Variants in IL1RAPL2 observed in about 807,000 individuals in gnomAD.
IL1RAPL2 encodes the protein interleukin 1 receptor accessory protein like 2.
IL1RAPL2 carries 3 observed loss-of-function variants against 44.1 expected under a neutral mutation model. The ratio of observed to expected loss-of-function variants is 0.07; its 90% confidence interval spans 0.03 to 0.18. The LOEUF (loss-of-function observed/expected upper bound fraction) is 0.18. IL1RAPL2 is among the 10% of genes least tolerant of loss of function. IL1RAPL2 has a pLI of 1.00. For synonymous variants in IL1RAPL2, 181 were observed against 178.8 expected (o/e 1.01, Z -0.10); for missense variants, 391 against 496.4 (o/e 0.79, Z 2.02).
rs140520484 is a variant in IL1RAPL2 at position 104,918,489 on chromosome X, A to G, written c.82+259494A>G. On this transcript the variant is annotated intron_variant, in intron 2 of 10. Coordinates refer to ENST00000372582, the MANE Select transcript of IL1RAPL2 (RefSeq NM_017416.2). Reference sequence around the variant, plus strand: ...ATGATGGACCAATGGGGTTACATTAACACACTATATTTAATACATTTATTT... The same window carrying G: ...ATGATGGACCAATGGGGTTACATTAGCACACTATATTTAATACATTTATTT... 6.6e-4 allele frequency among the ~76,000 whole-genome samples: 74 copies of G among 112,290 alleles called. No homozygotes were observed. The East Asian group carries it at 9.6e-3, about 14-fold the overall frequency.
intron 2 of IL1RAPL2, among the ~76,000 whole-genome samples, chrX:104,734,106 C>T (rs1931971115): frequency 1.8e-5 from 2 of 111,801 alleles, no homozygotes; most frequent in African/African-American, 6.5e-5. Flanking sequence ...TCACTACATG[C>T]CTATCAAAAT....
chrX:105,742,829 A>C, intron 8 of IL1RAPL2, among the ~76,000 whole-genome samples: 1 of 111,441 alleles, frequency 9.0e-6, no homozygotes, highest in Non-Finnish European at 1.9e-5. Flanking sequence ...CAGGCATATC[A>C]AATTTAGCTT....
At chrX:105,465,384 G>A (rs1048593910) in intron 5 of IL1RAPL2, among the ~76,000 whole-genome samples, 2 of 111,958 alleles carry the variant, frequency 1.8e-5, no homozygotes, top group African/African-American at 6.5e-5. Context: ...TGGAGAAGAC[G>A]CATTCTCATT....
intron 1 of IL1RAPL2, among the ~76,000 whole-genome samples, chrX:104,639,249 A>G (rs894486238): frequency 1.6e-4 from 18 of 111,597 alleles, no homozygotes; most frequent in African/African-American, 5.9e-4. Context: ...TCAGTAGTAC[A>G]TGGCTTTTTA....
intron 5 of IL1RAPL2, among the ~76,000 whole-genome samples, chrX:105,418,084 A>G (rs181699482): frequency 1.5e-4 from 17 of 111,475 alleles, no homozygotes; most frequent in African/African-American, 5.2e-4. Context: ...AGTACATTAA[A>G]TCATAATTAC....
chrX:104,667,940 A>T (rs1046781826), intron 2 of IL1RAPL2, among the ~76,000 whole-genome samples: 2 of 111,705 alleles, frequency 1.8e-5, no homozygotes, highest in African/African-American at 6.5e-5. Context: ...GGAAGGCTTC[A>T]TGGGACAGGC....
At position 105,551,299 on chromosome X, in the gene IL1RAPL2, A is replaced by C. The variant is rs372039638; in HGVS notation, c.772+66912A>C. Among the ~76,000 whole-genome samples the C allele has an allele frequency of 5.0e-3, 553 of 109,903 alleles. 1 individual carries two copies. The highest frequency in any genetic ancestry group is 6.6e-3 in the Admixed American group (68 of 10,305). On this transcript the variant is annotated intron_variant, in intron 6 of 10. Coordinates refer to ENST00000372582, the MANE Select transcript of IL1RAPL2 (RefSeq NM_017416.2). ...CCATGCACTTTACCAAAAAAAAAAA[A>C]AACAACAACAACAAAAAAAACACAT...
At chrX:105,326,929 G>A (rs1333063714) in intron 5 of IL1RAPL2, among the ~76,000 whole-genome samples, 9 of 111,445 alleles carry the variant, frequency 8.1e-5, no homozygotes, top group East Asian at 2.8e-4. Context: ...TTTGATAGGC[G>A]AATGTCTGTG....
intron 2 of IL1RAPL2, among the ~76,000 whole-genome samples, chrX:104,704,978 C>T (rs953926913): frequency 9.0e-6 from 1 of 111,671 alleles, no homozygotes; most frequent in East Asian, 2.8e-4. Flanking sequence ...AGCTTCCTTA[C>T]TTTTCTATTG....
chrX:105,575,055 ATTAT>A (rs1423748271), intron 6 of IL1RAPL2, among the ~76,000 whole-genome samples: 3 of 112,119 alleles, frequency 2.7e-5, no homozygotes, highest in Admixed American at 9.5e-5. Flanking sequence ...TTTTTGCAAA[ATTAT>A]TTATTTGTGT....
chrX:104,630,438 C>T (rs1349795067), intron 1 of IL1RAPL2, among the ~76,000 whole-genome samples: 4 of 109,402 alleles, frequency 3.7e-5, no homozygotes, highest in African/African-American at 6.7e-5. Flanking sequence ...TGGGCCACTG[C>T]GCCCGGCAGG....
chrX:105,572,592 A>G lies in IL1RAPL2; in HGVS notation c.772+88205A>G, dbSNP rs1306262406. Among the ~76,000 whole-genome samples, 4 of 112,266 alleles carry G rather than the reference A, an allele frequency of 3.6e-5. No homozygotes were observed. The Admixed American group carries it at 3.8e-4, about 11-fold the overall frequency. On this transcript the variant is annotated intron_variant, in intron 6 of 10. Transcript: ENST00000372582. ...AGGATTCAAAGCAGAATTCCTTAAC[A>G]TAGCATAGTCTTTTAGTTCAAGAGT...
chrX:104,890,558 G>A (rs774638898), intron 2 of IL1RAPL2, among the ~76,000 whole-genome samples: 2 of 112,440 alleles, frequency 1.8e-5, no homozygotes, highest in East Asian at 5.6e-4. Flanking sequence ...GTGATGATGA[G>A]CATGTTTTCA....
intron 1 of IL1RAPL2, among the ~76,000 whole-genome samples, chrX:104,629,271 A>T (rs557607013): frequency 8.9e-6 from 1 of 111,811 alleles, no homozygotes; most frequent in South Asian, 3.7e-4. Context: ...CATTTCCATG[A>T]TGATTAATGG....
At chrX:105,473,790 A>G (rs1309848302) in intron 5 of IL1RAPL2, among the ~76,000 whole-genome samples, 1 of 112,214 alleles carries the variant, frequency 8.9e-6, no homozygotes, top group Non-Finnish European at 1.9e-5. Flanking sequence ...AAATGCAAAG[A>G]TTATGTTCAA....
At chrX:105,138,141 T>C (rs908521668) in intron 2 of IL1RAPL2, among the ~76,000 whole-genome samples, 1 of 111,388 alleles carries the variant, frequency 9.0e-6, no homozygotes. Context: ...TAAGTCCTTA[T>C]TGAATTAAAA....
chrX:105,616,032 A>G (rs1384530299), intron 6 of IL1RAPL2, among the ~76,000 whole-genome samples: 2 of 112,268 alleles, frequency 1.8e-5, no homozygotes, highest in Non-Finnish European at 3.8e-5. Flanking sequence ...GCACAACTGG[A>G]ATACAAATGG....
At chrX:104,599,254 T>A (rs1038500390) in intron 1 of IL1RAPL2, among the ~76,000 whole-genome samples, 4 of 111,243 alleles carry the variant, frequency 3.6e-5, no homozygotes, top group African/African-American at 6.5e-5. Flanking sequence ...TAAATTTTTT[T>A]AAATAATTAA....
chrX:104,839,988 A>G (rs779004023), intron 2 of IL1RAPL2, among the ~76,000 whole-genome samples: 1 of 111,037 alleles, frequency 9.0e-6, no homozygotes, highest in Non-Finnish European at 1.9e-5. Context: ...CAGTGTATCT[A>G]TTTTGTTAAT....
Sources: gnomAD v4.1 joint callset for allele counts (sites outside exome capture counted in the v4.1 genomes callset) on GRCh38, gnomAD v4.1.1 for gene constraint, MANE v1.5 for transcripts, NCBI Gene and HGNC (gene_info 2026-07-23, HGNC 2026-07-21) for gene names.